HP1BP3: variants seen among roughly 807,000 people sequenced by gnomAD.
HP1BP3 encodes the protein heterochromatin protein 1 binding protein 3, also known as heterochromatin protein 1-binding protein 3.
HP1BP3 carries 12 observed loss-of-function variants against 62.5 expected under a neutral mutation model. The ratio of observed to expected loss-of-function variants is 0.19; its 90% CI spans 0.12 to 0.31. The LOEUF (loss-of-function observed/expected upper bound fraction) is 0.31, where lower values mean the gene tolerates loss of function less well. Among genes scored for constraint, HP1BP3 ranks in the 10% least tolerant of loss-of-function variants. The pLI is 1.00. For missense variants in HP1BP3, 502 were observed against 651.8 expected, an observed-to-expected ratio of 0.77 and a Z score of 2.50; for synonymous variants, 260 against 237.8, an observed-to-expected ratio of 1.09 and a Z score of -0.86.
chr1:20,756,717 T>TG (rs2056131948), intron 9 of HP1BP3, among the ~76,000 whole-genome samples: 1 of 152,220 alleles, frequency 6.6e-6, no homozygotes, highest in East Asian at 1.9e-4. Context: ...AATTTCTTTG[T>TG]GTTTTTTTGT....
chr1:20,745,800 C>T (rs2055282812), intron 11 of HP1BP3, 144 bp from the exon 12 acceptor site: 1 of 744,786 alleles, frequency 1.3e-6, no homozygotes, highest in Non-Finnish European at 2.1e-6. Flanking sequence ...TATCAGGTTA[C>T]AATTTACCGT....
chr1:20,770,394 T>C (rs1011739993), intron 6 of HP1BP3, among the ~76,000 whole-genome samples: 2 of 152,282 alleles, frequency 1.3e-5, no homozygotes, highest in Admixed American at 6.5e-5. Context: ...TAACTCACAA[T>C]AGCCTCAACC....
chr1:20,755,447 C>A (rs985376066), intron 9 of HP1BP3: 1 of 427,276 alleles, frequency 2.3e-6, no homozygotes, highest in Non-Finnish European at 4.8e-6. Context: ...TGGTGGTGCA[C>A]GCCTATAATC....
Position 20,749,770 on chromosome 1 carries a change from T to C in HP1BP3, c.1094A>G (p.Lys365Arg), listed in dbSNP as rs368869506. 6.2e-7 allele frequency: 1 copy of C among 1,614,008 alleles called. No homozygotes were observed. The highest frequency in any genetic ancestry group is 8.5e-7 in the Non-Finnish European group (1 of 1,179,874). The change falls in exon 10 of 13, where the codon AAG becomes AGG. Residue 365 changes from lysine to arginine, a missense_variant. Lys to Arg is a conservative substitution (Grantham distance 26). Transcript: ENST00000438032. The part of the protein sequence containing the change: ...EPKTCSTTAL[K>R]KYVLENHPGT... The stretch of plus-strand genomic sequence containing the variant: ...TGGGTGATTCTCTAGGACATACTTC[T>C]TCAGAGCAGTGGTAGAGCAGGTCTT...
intron 3 of HP1BP3, among the ~76,000 whole-genome samples, chr1:20,777,781 CTTCT>C (rs1425216005): frequency 1.3e-5 from 2 of 152,232 alleles, no homozygotes; most frequent in African/African-American, 4.8e-5. Flanking sequence ...TAAAATGCCA[CTTCT>C]TTCTTAAAAC....
At chr1:20,767,180 G>T (rs2056827701) in intron 7 of HP1BP3, among the ~76,000 whole-genome samples, 1 of 152,102 alleles carries the variant, frequency 6.6e-6, no homozygotes, top group Non-Finnish European at 1.5e-5. Flanking sequence ...GTCAGGCACT[G>T]TGGCGAGTGC....
chr1:20,746,826 A>T (rs1212106584), intron 11 of HP1BP3, among the ~76,000 whole-genome samples: 1 of 152,118 alleles, frequency 6.6e-6, no homozygotes, highest in Non-Finnish European at 1.5e-5. Flanking sequence ...GCCAGCCTAG[A>T]TAATATGGTA....
At position 20,757,270 on chromosome 1, in the gene HP1BP3, CAA is replaced by C. The variant is rs761522555; in HGVS notation, c.891-16_891-15del. On this transcript the variant is annotated splice_polypyrimidine_tract_variant and intron_variant, in intron 8 of 12. Transcript: ENST00000438032. ...AACAGCTGAGGCCTGCAAAGAAAAA[CAA>C]AAAAAAAATAGTGATAAATACATTA... The C allele has an allele frequency of 2.4e-5, 33 of 1,364,440 alleles. No homozygotes were observed. Among genetic ancestry groups the C allele is most frequent in the South Asian group, 8.4e-5 (6 of 71,764 alleles). 84.5% of individuals were successfully genotyped at this position (1,364,440 alleles called of 1,614,324 possible).
At chr1:20,780,126 A>G (rs1419307747) in intron 2 of HP1BP3, among the ~76,000 whole-genome samples, 1 of 152,194 alleles carries the variant, frequency 6.6e-6, no homozygotes, top group Non-Finnish European at 1.5e-5. Flanking sequence ...TTTCAAATGG[A>G]AACACATAAT....
At chr1:20,758,966 T>A (rs1363569313) in intron 8 of HP1BP3, among the ~76,000 whole-genome samples, 9 of 152,112 alleles carry the variant, frequency 5.9e-5, no homozygotes, top group African/African-American at 1.9e-4. Flanking sequence ...AGAGAGGTTT[T>A]GGTTGGTCAT....
At chr1:20,763,188 G>C (rs1187725536) in intron 8 of HP1BP3, among the ~76,000 whole-genome samples, 1 of 152,108 alleles carries the variant, frequency 6.6e-6, no homozygotes, top group African/African-American at 2.4e-5. Context: ...GCAGACGCCT[G>C]CACTATGCTT....
chr1:20,760,736 T>G (rs1171473523), intron 8 of HP1BP3, among the ~76,000 whole-genome samples: 2 of 151,980 alleles, frequency 1.3e-5, no homozygotes, highest in African/African-American at 2.4e-5. Context: ...CTCGGGAGGC[T>G]GAGACAGGAA....
rs1439391812 is a variant in HP1BP3, at chr1:20,742,135, T to C, written c.*2662A>G. ...CCTGGTGTGCAATACAGCCACCAGG[T>C]GATTATTCAGTAAGTCTCTTTAAAA... On this transcript the variant is annotated 3_prime_UTR_variant, in exon 13 of 13. Coordinates refer to ENST00000438032, the MANE Select transcript of HP1BP3 (RefSeq NM_001372052.1). Among the ~76,000 whole-genome samples the C allele has an allele frequency of 6.6e-6, 1 of 152,198 alleles. No individual in the cohort carries two copies. Among genetic ancestry groups the C allele is most frequent in the East Asian group, 1.9e-4 (1 of 5,196 alleles).
At chr1:20,755,015 T>C (rs1387330222) in intron 9 of HP1BP3, among the ~76,000 whole-genome samples, 2 of 152,100 alleles carry the variant, frequency 1.3e-5, no homozygotes, top group South Asian at 2.1e-4. Context: ...AGTCACAGAA[T>C]AGGAGAAAAA....
intron 4 of HP1BP3, 84 bp from the exon 5 acceptor site, chr1:20,773,694 G>A (rs2057164453): frequency 4.3e-6 from 4 of 921,558 alleles, no homozygotes; most frequent in Non-Finnish European, 5.9e-6. Flanking sequence ...ACCAGGGAGG[G>A]ATAAAAATTA....
chr1:20,763,451 T>C (rs1179951079), intron 8 of HP1BP3, among the ~76,000 whole-genome samples: 1 of 152,244 alleles, frequency 6.6e-6, no homozygotes, highest in African/African-American at 2.4e-5. Flanking sequence ...TGATGACCAC[T>C]ACTGATTTTC....
chr1:20,769,900 G>A (rs937418073), intron 6 of HP1BP3, among the ~76,000 whole-genome samples: 1 of 152,172 alleles, frequency 6.6e-6, no homozygotes, highest in African/African-American at 2.4e-5. Context: ...GAGTGGCACA[G>A]AATTCTGTTC....
In HP1BP3 at chr1:20,740,720, G is replaced by A. The variant is rs772758499; in HGVS notation, c.*4077C>T. ...TAGTCCTGGCTACTTGGGAGGCTGA[G>A]GTGGGGAGAACTGCTTGAGCACACG... On this transcript the variant is annotated 3_prime_UTR_variant, in exon 13 of 13. Transcript: ENST00000438032. Among the ~76,000 whole-genome samples the A allele has an allele frequency of 6.6e-6, 1 of 152,178 alleles. No homozygotes were observed. The highest frequency in any genetic ancestry group is 1.5e-5 in the Non-Finnish European group (1 of 68,044).
intron 8 of HP1BP3, among the ~76,000 whole-genome samples, chr1:20,759,364 T>C (rs893634975): frequency 6.6e-6 from 1 of 152,146 alleles, no homozygotes; most frequent in South Asian, 2.1e-4. Flanking sequence ...GATCGTGCCA[T>C]TGCACTCCAG....
Sources: gnomAD v4.1 joint callset for allele counts (sites outside exome capture counted in the v4.1 genomes callset) on GRCh38, gnomAD v4.1.1 for gene constraint, MANE v1.5 for transcripts, NCBI Gene and HGNC (gene_info 2026-07-23, HGNC 2026-07-21) for gene names.